LIPJ: variants seen among roughly 807,000 people sequenced by gnomAD.
LIPJ encodes the protein lipase family member J, also known as lipase member J.
LIPJ carries 33 observed loss-of-function variants against 39.8 expected under a neutral mutation model. That is an observed-to-expected ratio of 0.83 (90% CI 0.63 to 1.11). LIPJ has a LOEUF of 1.11. LIPJ is among the 50% of genes least tolerant of loss of function. LIPJ has a pLI of 0.00. For synonymous variants in LIPJ, 128 were observed against 139.2 expected (o/e 0.92, Z 0.57); for missense variants, 422 against 427.9 (o/e 0.99, Z 0.12).
upstream of LIPJ, chr10:88,585,780 G>A (rs78298791): frequency 0.011 from 1,674 of 152,172 alleles, 17 homozygotes; most frequent in Non-Finnish European, 0.019. Context: ...TTTCTAACTA[G>A]TCTTCCTACT....
At chr10:88,596,440 TC>T (rs757528860) in intron 7 of LIPJ, 24 bp downstream of exon 7, 42 of 1,465,732 alleles carry the variant, frequency 2.9e-5, no homozygotes, top group Non-Finnish European at 3.8e-5. Context: ...TTATTTTATG[TC>T]ATTGATAACC....
At chr10:88,619,359 A>G in the LIPJ span, among the ~76,000 whole-genome samples, 5 of 151,960 alleles carry the variant, frequency 3.3e-5, no homozygotes, top group Admixed American at 1.3e-4. Context: ...CTTCTAATTC[A>G]TACATATAAA....
the LIPJ span, among the ~76,000 whole-genome samples, chr10:88,615,343 A>G: frequency 6.6e-6 from 1 of 152,174 alleles, no homozygotes; most frequent in Non-Finnish European, 1.5e-5. Context: ...CAACCTCATT[A>G]GCCATCAGGG....
At chr10:88,605,524 T>C (rs1052063465) in intron 9 of LIPJ, 109 bp from the exon 10 acceptor site, 1 of 738,916 alleles carries the variant, frequency 1.4e-6, no homozygotes, top group South Asian at 1.5e-5. Flanking sequence ...CCTGCATAAA[T>C]ACCAGCAGAC....
chr10:88,583,075 G>C, upstream of LIPJ: 1 of 1,611,310 alleles, frequency 6.2e-7, no homozygotes, highest in African/African-American at 1.3e-5. Context: ...CAACCCACCT[G>C]AGTCCTCAGC....
chr10:88,583,798 CGTA>C (rs772738442), upstream of LIPJ: 13 of 789,678 alleles, frequency 1.6e-5, no homozygotes, highest in Non-Finnish European at 2.0e-5. Context: ...GAAACAATAA[CGTA>C]TACCTTTCAA....
upstream of LIPJ, chr10:88,582,959 G>A: frequency 8.1e-7 from 1 of 1,232,534 alleles, no homozygotes. Flanking sequence ...GGCCGCTCAG[G>A]GAGCTGAGGG....
At chr10:88,587,849 T>C (rs1683181016) in intron 2 of LIPJ, among the ~76,000 whole-genome samples, 1 of 152,090 alleles carries the variant, frequency 6.6e-6, no homozygotes, top group Non-Finnish European at 1.5e-5. Flanking sequence ...CAAGGTAATA[T>C]TTTAATCTAG....
At chr10:88,593,803 A>C in intron 4 of LIPJ, 143 bp from the exon 5 acceptor site, 1 of 646,496 alleles carries the variant, frequency 1.5e-6, no homozygotes, top group Non-Finnish European at 2.6e-6. Flanking sequence ...AACGGGATTA[A>C]ATCTTAATAA....
intron 2 of LIPJ, 108 bp downstream of exon 2, chr10:88,587,500 T>G (rs1850946683): frequency 6.6e-6 from 1 of 152,076 alleles, no homozygotes; most frequent in South Asian, 2.1e-4. Flanking sequence ...TTTAGGAAAT[T>G]ATATTGTAGT....
upstream of LIPJ, chr10:88,583,799 G>T: frequency 1.3e-6 from 1 of 784,170 alleles, no homozygotes; most frequent in Non-Finnish European, 1.5e-6. Context: ...AAACAATAAC[G>T]TATACCTTTC....
chr10:88,613,814 G>GTA, the LIPJ span, among the ~76,000 whole-genome samples: 8 of 38,234 alleles, frequency 2.1e-4, no homozygotes, highest in Non-Finnish European at 1.5e-4. Flanking sequence ...GTGTGTGTGT[G>GTA]TGTATATATA....
At chr10:88,593,195 C>A (rs1465216823) in intron 4 of LIPJ, 1 of 151,744 alleles carries the variant, frequency 6.6e-6, no homozygotes, top group East Asian at 1.9e-4. Flanking sequence ...CCCAAAGTGA[C>A]CAGGCGGTGG....
chr10:88,604,778 G>A (rs562558320), intron 9 of LIPJ, among the ~76,000 whole-genome samples: 4 of 152,190 alleles, frequency 2.6e-5, no homozygotes, highest in African/African-American at 9.6e-5. Context: ...TAGGAGCCTA[G>A]AATTTAGGAA....
chr10:88,613,052 G>A, the LIPJ span, among the ~76,000 whole-genome samples: 180 of 152,200 alleles, frequency 1.2e-3, 1 homozygote, highest in African/African-American at 4.2e-3. Flanking sequence ...AGACCACAGT[G>A]GAATATTCAA....
Position 88,593,853 on chromosome 10 carries a change from A to T in LIPJ, c.131-93A>T, listed in dbSNP as rs963852868. 4.8e-6 allele frequency: 5 copies of T among 1,037,788 alleles called. No individual in the cohort carries two copies. The African/African-American group carries it at 6.5e-5, about 14-fold the overall frequency. The allele number at this position is 1,037,788 out of a possible 1,614,324, so 64.3% of individuals were successfully genotyped here. ...GAAAACAATTTTTTAAAATCTTTAA[A>T]CTGTCATGTACTAAAAGTTTGAATT... is the stretch of plus-strand genomic sequence containing the variant. On this transcript the variant is annotated intron_variant, in intron 4 of 10. Coordinates refer to ENST00000371939, the Ensembl canonical transcript of LIPJ.
the LIPJ span, among the ~76,000 whole-genome samples, chr10:88,620,000 C>T: frequency 6.6e-6 from 1 of 152,032 alleles, no homozygotes; most frequent in African/African-American, 2.4e-5. Context: ...CACAATTTAT[C>T]ATTAAAAGAC....
chr10:88,583,489 G>T (rs1850785624), upstream of LIPJ: 1 of 1,261,378 alleles, frequency 7.9e-7, no homozygotes, highest in East Asian at 4.1e-5. Flanking sequence ...GAAATGGTGT[G>T]GGCTATTGTT....
chr10:88,594,652 CTCTT>C lies in LIPJ; in HGVS notation c.330-9_330-6del. 7.6e-7 allele frequency: 1 copy of C among 1,322,452 alleles called. No individual in the cohort carries two copies. Among genetic ancestry groups the C allele is most frequent in the Non-Finnish European group, 1.0e-6 (1 of 961,532 alleles). The allele number at this position is 1,322,452 out of a possible 1,614,324, so 81.9% of individuals were successfully genotyped here. On this transcript the variant is annotated splice_polypyrimidine_tract_variant and intron_variant, in intron 5 of 10. Coordinates refer to ENST00000371939, the Ensembl canonical transcript of LIPJ. Reference sequence around the variant, plus strand: ...AGTAGAAAGTGCTATTTTTATTTTCCTCTTTCTTTTGTAGTTTTGATGAGATGGC... The same window carrying C: ...AGTAGAAAGTGCTATTTTTATTTTCCTCTTTTGTAGTTTTGATGAGATGGC...
Sources: allele counts gnomAD v4.1 joint callset (sites outside exome capture counted in the v4.1 genomes callset), GRCh38; gene constraint gnomAD v4.1.1; transcripts MANE v1.5; gene names NCBI Gene and HGNC (gene_info 2026-07-23, HGNC 2026-07-21).